Variants in SLC22A24 observed in about 807,000 individuals in gnomAD.
The protein encoded by SLC22A24 is solute carrier family 22 member 24.
Under a neutral mutation model 49.8 loss-of-function variants are expected in SLC22A24, and 53 were observed. That is an observed-to-expected ratio of 1.06 (90% CI 0.85 to 1.34). The LOEUF (loss-of-function observed/expected upper bound fraction) is 1.34. Ranked by LOEUF, SLC22A24 falls within the 40% of genes most tolerant of loss-of-function variation. The pLI, the probability that SLC22A24 is intolerant of heterozygous loss-of-function variation, is 0.00. For missense variants in SLC22A24, 786 were observed against 675.9 expected, an observed-to-expected ratio of 1.16 and a Z score of -1.81; for synonymous variants, 302 against 256.4, an observed-to-expected ratio of 1.18 and a Z score of -1.70.
intron 7 of SLC22A24, 107 bp downstream of exon 7, chr11:63,083,136 G>A (rs1196623937): frequency 2.6e-5 from 22 of 849,450 alleles, no homozygotes; most frequent in Admixed American, 1.3e-4. Context: ...GAATCTTTTG[G>A]CTGTCAAGGG....
At position 63,083,139 on chromosome 11, in the gene SLC22A24, G is replaced by A; in HGVS notation, c.1285+104C>T. On this transcript the variant is annotated intron_variant, in intron 7 of 9. Transcript: ENST00000612278. ...ATTAACTTCAGGGAATCTTTTGGCT[G>A]TCAAGGGCAATGCTGTTCTTTTGGC... 3 of 903,244 alleles carry A rather than the reference G, an allele frequency of 3.3e-6. No individual in the cohort carries two copies. In the South Asian group the frequency reaches 5.0e-5, roughly 15 times the overall value. The allele number at this position is 903,244 out of a possible 1,614,324, so 56.0% of individuals were successfully genotyped here. A position where few individuals can be genotyped will look rare whatever the true frequency, so the allele number is the denominator to read the frequency against.
intron 1 of SLC22A24, among the ~76,000 whole-genome samples, chr11:63,140,124 C>G (rs1160306932): frequency 6.8e-6 from 1 of 146,856 alleles, no homozygotes; most frequent in Non-Finnish European, 1.5e-5. Context: ...GCTCTGTCAC[C>G]AGGCTGGAGT....
Position 63,113,163 on chromosome 11 carries a change from T to TAC in SLC22A24, c.830+5747_830+5748dup, listed in dbSNP as rs1205284462. ...ACACATATATATATACATATATATATACACATATATATACATATATATATA... is the reference window on the plus strand; with the variant it reads ...ACACATATATATATACATATATATATACACACATATATATACATATATATATA... On this transcript the variant is annotated intron_variant, in intron 4 of 9. Transcript: ENST00000612278. 5.0e-4 allele frequency among the ~76,000 whole-genome samples: 2 copies of TAC among 3,976 alleles called. 1 individual carries two copies. The highest frequency in any genetic ancestry group is 6.1e-4 in the African/African-American group (2 of 3,300). 2.6% of individuals were successfully genotyped at this position (3,976 alleles called of 152,430 possible).
intron 5 of SLC22A24, among the ~76,000 whole-genome samples, chr11:63,100,199 A>G (rs1272716868): frequency 6.6e-6 from 1 of 152,192 alleles, no homozygotes; most frequent in Non-Finnish European, 1.5e-5. Context: ...AAAAACTATG[A>G]GCTGATAAAC....
At chr11:63,138,849 C>CG (rs2087394742) in intron 1 of SLC22A24, among the ~76,000 whole-genome samples, 1 of 151,932 alleles carries the variant, frequency 6.6e-6, no homozygotes, top group Non-Finnish European at 1.5e-5. Context: ...TTTTTTCCCC[C>CG]CCATGGATAG....
chr11:63,109,191 G>T (rs190531780), intron 4 of SLC22A24, among the ~76,000 whole-genome samples: 18,082 of 146,354 alleles, frequency 0.12, 1,260 homozygotes, highest in Middle Eastern at 0.17. Context: ...ATTTTTTATG[G>T]CTCCATAGTA....
chr11:63,108,082 ACT>A (rs2087134179), intron 4 of SLC22A24, among the ~76,000 whole-genome samples: 1 of 151,142 alleles, frequency 6.6e-6, no homozygotes, highest in Non-Finnish European at 1.5e-5. Context: ...GTTATAAATA[ACT>A]CTTATTATTT....
At chr11:63,126,954 C>T (rs1370425143) in intron 2 of SLC22A24, among the ~76,000 whole-genome samples, 2 of 151,972 alleles carry the variant, frequency 1.3e-5, no homozygotes, top group Non-Finnish European at 2.9e-5. Context: ...CTCAGTTTGT[C>T]TGTTATTGGT....
intron 4 of SLC22A24, among the ~76,000 whole-genome samples, chr11:63,115,288 C>A (rs928827267): frequency 2.0e-5 from 3 of 152,192 alleles, no homozygotes; most frequent in Non-Finnish European, 2.9e-5. Flanking sequence ...CCCCTCCCCC[C>A]ATGAGGCTAC....
At chr11:63,094,458 T>C (rs2087040456) in intron 6 of SLC22A24, among the ~76,000 whole-genome samples, 1 of 152,136 alleles carries the variant, frequency 6.6e-6, no homozygotes, top group Non-Finnish European at 1.5e-5. Context: ...CATGTGTCAT[T>C]ATAGCAGCAT....
intron 4 of SLC22A24, among the ~76,000 whole-genome samples, chr11:63,109,992 A>C (rs1287568387): frequency 4.6e-5 from 7 of 152,156 alleles, no homozygotes; most frequent in Non-Finnish European, 1.0e-4. Flanking sequence ...TCTAACGTTT[A>C]AGTCTTTAAT....
chr11:63,108,279 G>A (rs995086305), intron 4 of SLC22A24, among the ~76,000 whole-genome samples: 1 of 152,294 alleles, frequency 6.6e-6, no homozygotes, highest in Admixed American at 6.5e-5. Flanking sequence ...TCCCAGGGAT[G>A]AAGCCGACTT....
chr11:63,128,028 TC>T (rs34755250), intron 2 of SLC22A24, among the ~76,000 whole-genome samples: 120,394 of 151,358 alleles, frequency 0.8, 48,977 homozygotes, highest in East Asian at 0.9. Context: ...CAGGAGCTGT[TC>T]CAGTATAATA....
chr11:63,126,008 TG>T (rs747410879), intron 2 of SLC22A24, among the ~76,000 whole-genome samples: 9 of 152,046 alleles, frequency 5.9e-5, no homozygotes, highest in Non-Finnish European at 1.2e-4. Context: ...TGGGGTCGTT[TG>T]TTTTTTTTCT....
chr11:63,094,260 C>T (rs530066683), intron 6 of SLC22A24, among the ~76,000 whole-genome samples: 4,032 of 149,418 alleles, frequency 0.027, 150 homozygotes, highest in African/African-American at 0.091. Context: ...TTTGTCCTTG[C>T]GATAGTTTGC....
intron 4 of SLC22A24, among the ~76,000 whole-genome samples, chr11:63,113,479 T>C (rs2087189814): frequency 6.6e-6 from 1 of 151,936 alleles, no homozygotes; most frequent in African/African-American, 2.4e-5. Context: ...AATTTGCTTG[T>C]CTGTAAAGGA....
intron 9 of SLC22A24, 93 bp from the exon 10 acceptor site, chr11:63,080,093 A>T (rs2086950723): frequency 1.3e-6 from 1 of 754,518 alleles, no homozygotes. Flanking sequence ...GCCTGAGGAC[A>T]AGCTGCCCTC....
chr11:63,131,983 C>T (rs932371097), intron 2 of SLC22A24, among the ~76,000 whole-genome samples: 17 of 152,202 alleles, frequency 1.1e-4, no homozygotes, highest in African/African-American at 4.1e-4. Flanking sequence ...CATTTCTTTT[C>T]ACTCTTTTTT....
intron 4 of SLC22A24, among the ~76,000 whole-genome samples, chr11:63,110,328 C>G (rs538654477): frequency 1.3e-5 from 2 of 152,104 alleles, no homozygotes; most frequent in Admixed American, 1.3e-4. Context: ...TTTGGCAATG[C>G]GGGCTCTTTT....
Sources: allele counts gnomAD v4.1 joint callset (sites outside exome capture counted in the v4.1 genomes callset), GRCh38; gene constraint gnomAD v4.1.1; transcripts MANE v1.5; gene names NCBI Gene and HGNC (gene_info 2026-07-23, HGNC 2026-07-21).